Variants in UNC5C observed in about 807,000 individuals in gnomAD.
The protein encoded by UNC5C is unc-5 netrin receptor C.
UNC5C carries 47 observed loss-of-function variants against 99.8 expected under a neutral mutation model. The ratio of observed to expected loss-of-function variants is 0.47; its 90% CI spans 0.37 to 0.60. The LOEUF (loss-of-function observed/expected upper bound fraction) is 0.60. Among genes scored for constraint, UNC5C ranks in the 20% least tolerant of loss-of-function variants. The pLI, the probability that UNC5C is intolerant of heterozygous loss-of-function variation, is 0.00. For synonymous variants in UNC5C, 487 were observed against 452.2 expected (o/e 1.08, Z -0.98); for missense variants, 1,062 against 1,165.9 (o/e 0.91, Z 1.30).
intron 2 of UNC5C, among the ~76,000 whole-genome samples, chr4:95,327,633 T>A (rs1209827018): frequency 1.3e-5 from 2 of 152,108 alleles, no homozygotes; most frequent in African/African-American, 4.8e-5. Flanking sequence ...TGGAGCAACC[T>A]CATTGTTTTA....
chr4:95,526,217 A>G (rs539335217), intron 1 of UNC5C, among the ~76,000 whole-genome samples: 1 of 152,238 alleles, frequency 6.6e-6, no homozygotes, highest in South Asian at 2.1e-4. Context: ...GTGATTATCC[A>G]TCTTGTTTAC....
At position 95,270,838 on chromosome 4, in the gene UNC5C, T is replaced by A. The variant is rs138548000; in HGVS notation, c.594+7421A>T. 5.3e-3 allele frequency among the ~76,000 whole-genome samples: 809 copies of A among 152,320 alleles called. 4 individuals carry two copies. Among genetic ancestry groups the A allele is most frequent in the African/African-American group, 0.018 (755 of 41,566 alleles). ...TTTTACAGGGCAAAAGGGCAACAAA[T>A]TGACTAATCTGTAGCTAGTTCCTAA... On this transcript the variant is annotated intron_variant, in intron 4 of 15. Coordinates refer to ENST00000453304, the MANE Select transcript of UNC5C (RefSeq NM_003728.4).
At chr4:95,548,655 G>C (rs1723142714) in intron 1 of UNC5C, 79 bp downstream of exon 1, 1 of 1,499,688 alleles carries the variant, frequency 6.7e-7, no homozygotes, top group South Asian at 1.3e-5. Context: ...AGGAAGTCAA[G>C]AGAACTGGGG....
chr4:95,247,620 G>T (rs768777153), intron 5 of UNC5C, among the ~76,000 whole-genome samples: 1 of 152,156 alleles, frequency 6.6e-6, no homozygotes, highest in Non-Finnish European at 1.5e-5. Flanking sequence ...CTGGTTAAAA[G>T]ACCCTCTGAA....
chr4:95,476,695 A>T (rs1448044925), intron 1 of UNC5C, among the ~76,000 whole-genome samples: 1 of 152,120 alleles, frequency 6.6e-6, no homozygotes, highest in Non-Finnish European at 1.5e-5. Flanking sequence ...TACTTCAAAT[A>T]ATAAAATTTA....
At chr4:95,336,009 A>T (rs1743323011) in intron 1 of UNC5C, among the ~76,000 whole-genome samples, 1 of 151,936 alleles carries the variant, frequency 6.6e-6, no homozygotes, top group South Asian at 2.1e-4. Context: ...CAACTTCATT[A>T]GAAACATGTA....
At chr4:95,511,273 G>A (rs533683010) in intron 1 of UNC5C, among the ~76,000 whole-genome samples, 7 of 143,574 alleles carry the variant, frequency 4.9e-5, no homozygotes, top group South Asian at 2.3e-4. Flanking sequence ...TGTATTTGTC[G>A]GGGGGTTCTT....
intron 1 of UNC5C, among the ~76,000 whole-genome samples, chr4:95,394,829 T>TA (rs57312373): frequency 5.2e-4 from 76 of 147,468 alleles, no homozygotes; most frequent in East Asian, 2.2e-3. Flanking sequence ...GGAATAAGAA[T>TA]AAAAAAAAAA....
chr4:95,313,175 G>A lies in UNC5C; in HGVS notation c.347-11426C>T, dbSNP rs545521238. Reference sequence around the variant, plus strand: ...AAGAGCAGAGATGAAAATGCATGGAGCACTCTAGGGGAGAGTAGTTTACAT... The same window carrying A: ...AAGAGCAGAGATGAAAATGCATGGAACACTCTAGGGGAGAGTAGTTTACAT... On this transcript the variant is annotated intron_variant, in intron 2 of 15. Transcript: ENST00000453304. 3.3e-5 allele frequency among the ~76,000 whole-genome samples: 5 copies of A among 152,252 alleles called. No homozygotes were observed. The East Asian group carries it at 9.7e-4, about 29-fold the overall frequency.
intron 12 of UNC5C, among the ~76,000 whole-genome samples, chr4:95,199,089 T>C (rs1387964711): frequency 6.6e-6 from 1 of 152,064 alleles, no homozygotes; most frequent in Non-Finnish European, 1.5e-5. Flanking sequence ...TGGAAGAGCA[T>C]GAGCGTGAGT....
intron 1 of UNC5C, among the ~76,000 whole-genome samples, chr4:95,495,655 G>A (rs1721610701): frequency 6.6e-6 from 1 of 151,666 alleles, no homozygotes; most frequent in Admixed American, 6.6e-5. Context: ...CAAGGCTTCA[G>A]CAAGTTAAAT....
intron 1 of UNC5C, among the ~76,000 whole-genome samples, chr4:95,415,857 G>T (rs1311212864): frequency 6.6e-6 from 1 of 151,778 alleles, no homozygotes; most frequent in Non-Finnish European, 1.5e-5. Flanking sequence ...TCTAAACAAA[G>T]ATCTTTACTT....
At chr4:95,230,472 T>C (rs1342605905) in intron 7 of UNC5C, among the ~76,000 whole-genome samples, 1 of 152,200 alleles carries the variant, frequency 6.6e-6, no homozygotes, top group African/African-American at 2.4e-5. Flanking sequence ...CAATTTTGGC[T>C]TTTGTTGCCA....
intron 14 of UNC5C, among the ~76,000 whole-genome samples, chr4:95,171,277 C>CCATT (rs1044451928): frequency 6.6e-6 from 1 of 151,438 alleles, no homozygotes; most frequent in Non-Finnish European, 1.5e-5. Flanking sequence ...TACATGTGCA[C>CCATT]AATGTGCAGG....
At chr4:95,544,541 A>G (rs1220607953) in intron 1 of UNC5C, among the ~76,000 whole-genome samples, 1 of 152,176 alleles carries the variant, frequency 6.6e-6, no homozygotes, top group Non-Finnish European at 1.5e-5. Flanking sequence ...AAGAAAGTGA[A>G]TTATAATTCC....
chr4:95,226,900 C>G (rs984562879), intron 7 of UNC5C, among the ~76,000 whole-genome samples: 2 of 151,792 alleles, frequency 1.3e-5, no homozygotes, highest in Non-Finnish European at 2.9e-5. Context: ...TATTGAATGT[C>G]CTGCAATGAA....
intron 1 of UNC5C, among the ~76,000 whole-genome samples, chr4:95,444,232 G>C (rs1236600007): frequency 1.3e-5 from 2 of 152,128 alleles, no homozygotes; most frequent in Non-Finnish European, 2.9e-5. Flanking sequence ...TATTCACCAT[G>C]GGGTCTTGGA....
intron 2 of UNC5C, among the ~76,000 whole-genome samples, chr4:95,329,195 GGGA>G (rs1743018579): frequency 6.6e-6 from 1 of 152,072 alleles, no homozygotes; most frequent in Non-Finnish European, 1.5e-5. Flanking sequence ...AGGCTGAGGT[GGGA>G]GGATCACTTG....
intron 7 of UNC5C, among the ~76,000 whole-genome samples, chr4:95,230,331 T>G (rs918373793): frequency 1.3e-5 from 2 of 152,190 alleles, no homozygotes; most frequent in African/African-American, 4.8e-5. Context: ...CCTTGTTGAT[T>G]GTGGATATTA....
Sources: gnomAD v4.1 joint callset for allele counts (sites outside exome capture counted in the v4.1 genomes callset) on GRCh38, gnomAD v4.1.1 for gene constraint, MANE v1.5 for transcripts, NCBI Gene and HGNC (gene_info 2026-07-23, HGNC 2026-07-21) for gene names.